Variants in GOLGA6L7 observed in about 807,000 individuals in gnomAD.
GOLGA6L7 encodes golgin A6 family like 7.
A neutral mutation model predicts 68.9 loss-of-function variants in GOLGA6L7; 29 were observed. That is an observed-to-expected ratio of 0.42 (90% CI 0.31 to 0.57). The LOEUF (loss-of-function observed/expected upper bound fraction) is 0.57, where lower values mean the gene tolerates loss of function less well. Ranked by LOEUF, GOLGA6L7 falls within the 20% of genes least tolerant of loss-of-function variation. The pLI is 0.13. For missense variants in GOLGA6L7, 396 were observed against 588.4 expected (o/e 0.67, Z 3.38); for synonymous variants, 133 against 197.4 (o/e 0.67, Z 2.73).
Position 28,843,742 on chromosome 15 carries a change from G to A in GOLGA6L7, c.655C>T (p.Leu219=). ...KRKLETDKIP[L]PQVQTNTLQE... Reference sequence around the variant, plus strand: ...GGGCTGCCGCCGCTCACCTGTGGCAGCGGGATTTTGTCCGTCTCCAGTTTC... The same window carrying A: ...GGGCTGCCGCCGCTCACCTGTGGCAACGGGATTTTGTCCGTCTCCAGTTTC... Residue 219 remains leucine, a synonymous_variant, in exon 8 of 9, where the codon CTG becomes TTG. Coordinates refer to ENST00000567390, the MANE Select transcript of GOLGA6L7 (RefSeq NM_001365371.2). 4.6e-6 allele frequency: 3 copies of A among 655,818 alleles called. No individual in the cohort carries two copies. Among genetic ancestry groups the A allele is most frequent in the Non-Finnish European group, 8.1e-6 (3 of 369,850 alleles). The allele number at this position is 655,818 out of a possible 1,614,324, so 40.6% of individuals were successfully genotyped here.
intron 8 of GOLGA6L7, 33 bp downstream of exon 8, chr15:28,843,701 G>A (rs1376229470): frequency 1.6e-5 from 10 of 629,436 alleles, no homozygotes; most frequent in African/African-American, 5.5e-5. Context: ...AGCCGGATGC[G>A]GCTCCCACAC....
chr15:28,845,045 C>T (rs1371511734), intron 6 of GOLGA6L7: 2 of 275,714 alleles, frequency 7.3e-6, no homozygotes, highest in Non-Finnish European at 1.4e-5. Flanking sequence ...GAAATATCTT[C>T]CCCCAACACT....
intron 6 of GOLGA6L7, among the ~76,000 whole-genome samples, chr15:28,844,572 A>G (rs1407151036): frequency 6.6e-6 from 1 of 151,800 alleles, no homozygotes; most frequent in Non-Finnish European, 1.5e-5. Flanking sequence ...CTGGGATTAC[A>G]GGCATGTGCC....
intron 6 of GOLGA6L7, chr15:28,845,307 C>T (rs1399599697): frequency 9.5e-6 from 6 of 632,264 alleles, no homozygotes; most frequent in East Asian, 2.9e-5. Flanking sequence ...ACTTGGCCTC[C>T]GAGCTCTGTG....
chr15:28,848,623 C>G lies in GOLGA6L7; in HGVS notation c.-74G>C, dbSNP rs56724032. 486 of 736,038 alleles carry G rather than the reference C, an allele frequency of 6.6e-4. 1 individual carries two copies. In the African/African-American group the frequency reaches 7.6e-3, roughly 12 times the overall value. 45.6% of individuals were successfully genotyped at this position (736,038 alleles called of 1,614,324 possible). On this transcript the variant is annotated 5_prime_UTR_variant, in exon 1 of 9. Coordinates refer to ENST00000567390, the MANE Select transcript of GOLGA6L7 (RefSeq NM_001365371.2). ...GAGGACAGTGATATGCCTCCAGTCACGTACCACACAGCTATGTGACTGAGC... is the reference window on the plus strand; with the variant it reads ...GAGGACAGTGATATGCCTCCAGTCAGGTACCACACAGCTATGTGACTGAGC...
chr15:28,845,416 G>C, intron 6 of GOLGA6L7, 113 bp downstream of exon 6: 1 of 699,524 alleles, frequency 1.4e-6, no homozygotes, highest in Non-Finnish European at 2.6e-6. Context: ...AGCAAGAAAT[G>C]GCCCATGCTG....
chr15:28,848,624 G>T lies in GOLGA6L7; in HGVS notation c.-75C>A. On this transcript the variant is annotated 5_prime_UTR_variant, in exon 1 of 9. Transcript: ENST00000567390. ...AGGACAGTGATATGCCTCCAGTCAC[G>T]TACCACACAGCTATGTGACTGAGCC... 2 of 736,974 alleles carry T rather than the reference G, an allele frequency of 2.7e-6. No individual in the cohort carries two copies. Among genetic ancestry groups the T allele is most frequent in the Non-Finnish European group, 5.0e-6 (2 of 403,306 alleles). The allele number at this position is 736,974 out of a possible 1,614,324, so 45.7% of individuals were successfully genotyped here. A position where few individuals can be genotyped will look rare whatever the true frequency, so the allele number is the denominator to read the frequency against.
intron 6 of GOLGA6L7, among the ~76,000 whole-genome samples, chr15:28,844,703 C>A (rs201853225): frequency 6.6e-6 from 1 of 151,884 alleles, no homozygotes; most frequent in Non-Finnish European, 1.5e-5. Context: ...ATTGTTATTG[C>A]TATTACTGTT....
At position 28,844,212 on chromosome 15, in the gene GOLGA6L7, T is replaced by A; in HGVS notation, c.514A>T (p.Arg172Trp). 3.5e-6 allele frequency: 1 copy of A among 288,378 alleles called. No homozygotes were observed. Among genetic ancestry groups the A allele is most frequent in the Non-Finnish European group, 6.3e-6 (1 of 159,596 alleles). 17.9% of individuals were successfully genotyped at this position (288,378 alleles called of 1,614,324 possible). A position where few individuals can be genotyped will look rare whatever the true frequency, so the allele number is the denominator to read the frequency against. Residue 172 changes from arginine to tryptophan, a missense_variant, in exon 7 of 9, where the codon AGG becomes TGG. Transcript: ENST00000567390. Reference sequence around the variant, plus strand: ...CCCCCTCCCCTATCCTACATGTTCCTGAACAGCTCCAGACTCATGGCTTCC... The same window carrying A: ...CCCCCTCCCCTATCCTACATGTTCCAGAACAGCTCCAGACTCATGGCTTCC... ...EREAMSLELF[R>W]NIITNKELKE...
intron 6 of GOLGA6L7, 93 bp downstream of exon 6, chr15:28,845,436 C>CA (rs1456938338): frequency 4.3e-6 from 3 of 700,236 alleles, no homozygotes; most frequent in Non-Finnish European, 7.8e-6. Flanking sequence ...GTCTTCTGGG[C>CA]AGGACACTGC....
chr15:28,842,399 G>T lies in GOLGA6L7; in HGVS notation c.1705C>A (p.Arg569=). The T allele has an allele frequency of 2.5e-6, 3 of 1,214,482 alleles. No individual in the cohort carries two copies. Among genetic ancestry groups the T allele is most frequent in the Non-Finnish European group, 2.1e-6 (2 of 967,500 alleles). 75.2% of individuals were successfully genotyped at this position (1,214,482 alleles called of 1,614,324 possible). ...MSHPGSLEPA[R]EAGKGYSHDN... Reference sequence around the variant, plus strand: ...TGGGAATAACCCTTCCCGGCCTCTCGTGCAGGCTCCAGGCTGCCAGGGTGG... The same window carrying T: ...TGGGAATAACCCTTCCCGGCCTCTCTTGCAGGCTCCAGGCTGCCAGGGTGG... Residue 569 remains arginine, a synonymous_variant, in exon 9 of 9, where the codon CGA becomes AGA. Coordinates refer to ENST00000567390, the MANE Select transcript of GOLGA6L7 (RefSeq NM_001365371.2).
At position 28,843,029 on chromosome 15, in the gene GOLGA6L7, C is replaced by G; in HGVS notation, c.1075G>C (p.Glu359Gln). Residue 359 changes from glutamate (E) to glutamine (Q), a missense_variant, in exon 9 of 9, where the codon GAG (glutamate) becomes CAG (glutamine). Physicochemically the swap from Glu to Gln is conservative, Grantham distance 29. Around this residue, in one of 5 missense-constraint regions of GOLGA6L7, gnomAD observed 114 missense variants for 186.0 expected, o/e 0.61. Coordinates refer to ENST00000567390, the MANE Select transcript of GOLGA6L7 (RefSeq NM_001365371.2). ...LKQKEQMRKQ[E>Q]EQMWKQEEQI... Reference sequence around the variant, plus strand: ...TCCTCCTGCTTCCACATCTGCTCCTCCTGCTTCCGCATCTGCTCCTTCTGC... The same window carrying G: ...TCCTCCTGCTTCCACATCTGCTCCTGCTGCTTCCGCATCTGCTCCTTCTGC... 1 of 1,216,848 alleles carries G rather than the reference C, an allele frequency of 8.2e-7. No homozygotes were observed. The allele number at this position is 1,216,848 out of a possible 1,614,324, so 75.4% of individuals were successfully genotyped here. A position where few individuals can be genotyped will look rare whatever the true frequency, so the allele number is the denominator to read the frequency against.
At position 28,842,591 on chromosome 15, in the gene GOLGA6L7, T is replaced by A; in HGVS notation, c.1513A>T (p.Arg505Trp). 3 of 1,287,524 alleles carry A rather than the reference T, an allele frequency of 2.3e-6. No homozygotes were observed. The highest frequency in any genetic ancestry group is 2.9e-6 in the Non-Finnish European group (3 of 1,021,766). The allele number at this position is 1,287,524 out of a possible 1,614,324, so 79.8% of individuals were successfully genotyped here. The part of the protein sequence containing the change: ...QVERLQFKEE[R>W]LWDEYEKMQE... The stretch of plus-strand genomic sequence containing the variant: ...ATCTTCTCATACTCATCCCACAGCC[T>A]CTCCTCCTTGAATTGCAGCCTCTCC... The change falls in exon 9 of 9, where the codon AGG (arginine) becomes TGG (tryptophan). Residue 505 changes from arginine (R) to tryptophan (W), a missense_variant. This residue lies in a region of GOLGA6L7 where 125 missense variants were observed against 163.3 expected (regional missense o/e 0.77). Transcript: ENST00000567390.
rs75388271 is a variant in GOLGA6L7 at position 28,847,111 on chromosome 15, C to T, written c.133G>A (p.Ala45Thr). The change falls in exon 2 of 9, where the codon GCT becomes ACT. Residue 45 changes from alanine to threonine, a missense_variant. Transcript: ENST00000567390. ...DTKKKKINHG[A>T]NPETTTSGGC... ...CCCGAAGTGGTTGTCTCAGGGTTAG[C>T]GCCATGATTTATTTTCTTCTTTTTG... 119,984 of 673,340 alleles carry T rather than the reference C, an allele frequency of 0.18. 12,033 individuals carry two copies. Among genetic ancestry groups the T allele is most frequent in the African/African-American group, 0.6 (22,281 of 37,384 alleles). The allele number at this position is 673,340 out of a possible 1,614,324, so 41.7% of individuals were successfully genotyped here. A position where few individuals can be genotyped will look rare whatever the true frequency, so the allele number is the denominator to read the frequency against.
At chr15:28,848,418 C>A in intron 1 of GOLGA6L7, 81 bp downstream of exon 1, 2 of 678,910 alleles carry the variant, frequency 2.9e-6, no homozygotes, top group South Asian at 3.1e-5. Flanking sequence ...TGGAGTGACA[C>A]GGATTCTGGC....
intron 1 of GOLGA6L7, among the ~76,000 whole-genome samples, chr15:28,848,144 C>A (rs1029644033): frequency 6.6e-6 from 1 of 152,152 alleles, no homozygotes; most frequent in Admixed American, 6.5e-5. Context: ...TGCCCAAAGT[C>A]ACCCTGGGGT....
At position 28,842,914 on chromosome 15, in the gene GOLGA6L7, A is replaced by G; in HGVS notation, c.1190T>C (p.Met397Thr). The G allele has an allele frequency of 8.4e-7, 1 of 1,193,060 alleles. No individual in the cohort carries two copies. Among genetic ancestry groups the G allele is most frequent in the Non-Finnish European group, 1.0e-6 (1 of 986,108 alleles). The allele number at this position is 1,193,060 out of a possible 1,614,324, so 73.9% of individuals were successfully genotyped here. ...CCACATCTGCTCCTCCTGCTTTCGCATCTGCTCCTCCTGCTCCCCTATCTG... is the reference window on the plus strand; with the variant it reads ...CCACATCTGCTCCTCCTGCTTTCGCGTCTGCTCCTCCTGCTCCCCTATCTG... ...EEQIGEQEEQ[M>T]RKQEEQMWKQ... is the part of the protein sequence containing the mutation. The change falls in exon 9 of 9, where the codon ATG becomes ACG. Residue 397 changes from methionine (M) to threonine (T), a missense_variant. Met to Thr is a moderately conservative substitution (Grantham distance 81). This residue lies in a region of GOLGA6L7 where 114 missense variants were observed against 186.0 expected (regional missense o/e 0.61). Coordinates refer to ENST00000567390, the MANE Select transcript of GOLGA6L7 (RefSeq NM_001365371.2).
chr15:28,846,858 C>G (rs1199308957), intron 2 of GOLGA6L7: 4 of 517,624 alleles, frequency 7.7e-6, no homozygotes, highest in Non-Finnish European at 1.3e-5. Flanking sequence ...ATTACCATCC[C>G]CATTTTACAG....
At position 28,843,729 on chromosome 15, in the gene GOLGA6L7, C is replaced by T; in HGVS notation, c.663+5G>A. 3 of 656,692 alleles carry T rather than the reference C, an allele frequency of 4.6e-6. No individual in the cohort carries two copies. Among genetic ancestry groups the T allele is most frequent in the Non-Finnish European group, 5.4e-6 (2 of 369,028 alleles). 40.7% of individuals were successfully genotyped at this position (656,692 alleles called of 1,614,324 possible). On this transcript the variant is annotated splice_donor_5th_base_variant and intron_variant, in intron 8 of 8. Coordinates refer to ENST00000567390, the MANE Select transcript of GOLGA6L7 (RefSeq NM_001365371.2). ...TCCCACACCCCCGGGGCTGCCGCCG[C>T]TCACCTGTGGCAGCGGGATTTTGTC...
Sources: gnomAD v4.1 joint callset for allele counts (sites outside exome capture counted in the v4.1 genomes callset) on GRCh38, gnomAD v4.1.1 for gene constraint, gnomAD v4.1.1 regional missense constraint, MANE v1.5 for transcripts, NCBI Gene and HGNC (gene_info 2026-07-23, HGNC 2026-07-21) for gene names.